PPM1D: variants seen among roughly 807,000 people sequenced by gnomAD.
The protein encoded by PPM1D is protein phosphatase 1D.
A neutral mutation model predicts 58.3 loss-of-function variants in PPM1D; 52 were observed. The observed-to-expected ratio is 0.89, with a 90% CI of 0.71 to 1.12. The LOEUF is 1.12. Ranked by LOEUF, PPM1D falls within the 50% of genes most tolerant of loss-of-function variation. The pLI is 0.00. For synonymous variants in PPM1D, 278 were observed against 285.1 expected, an observed-to-expected ratio of 0.98 and a Z score of 0.25; for missense variants, 564 against 777.2, an observed-to-expected ratio of 0.73 and a Z score of 3.26.
intron 2 of PPM1D, among the ~76,000 whole-genome samples, chr17:60,628,297 C>T (rs532195629): frequency 6.6e-6 from 1 of 152,300 alleles, no homozygotes; most frequent in Admixed American, 6.5e-5. Context: ...CCCAGGCTTC[C>T]CCACTATCCT....
chr17:60,655,060 C>T (rs559237645), intron 4 of PPM1D, among the ~76,000 whole-genome samples: 34 of 152,052 alleles, frequency 2.2e-4, no homozygotes, highest in Non-Finnish European at 2.4e-4. Flanking sequence ...TTTCTTTACT[C>T]GTTCAATTGG....
At chr17:60,636,733 C>T (rs969324524) in intron 3 of PPM1D, among the ~76,000 whole-genome samples, 2 of 151,216 alleles carry the variant, frequency 1.3e-5, no homozygotes, top group African/African-American at 2.4e-5. Context: ...TCACTCTGTG[C>T]CCTAGGCTAG....
At chr17:60,648,208 G>T in intron 4 of PPM1D, 126 bp downstream of exon 4, 1 of 950,906 alleles carries the variant, frequency 1.1e-6, no homozygotes, top group Non-Finnish European at 1.5e-6. Flanking sequence ...TGATCTGCTA[G>T]TGGGTAAAAC....
At chr17:60,621,125 GTT>G (rs2030692419) in intron 1 of PPM1D, among the ~76,000 whole-genome samples, 3 of 151,884 alleles carry the variant, frequency 2.0e-5, no homozygotes, top group African/African-American at 7.3e-5. Context: ...GTTTCATCAT[GTT>G]GGCCAGGTTG....
chr17:60,663,386 G>C lies in PPM1D; in HGVS notation c.1652G>C (p.Arg551Thr), dbSNP rs2143733193. The C allele has an allele frequency of 6.2e-7, 1 of 1,614,180 alleles. No homozygotes were observed. The highest frequency in any genetic ancestry group is 8.5e-7 in the Non-Finnish European group (1 of 1,180,030). ...TCTGGCCCCCTGATGAAGAAGCATA[G>C]ACGAAATGGCTTAAGTCGAAGTAGT... is the stretch of plus-strand genomic sequence containing the variant. ...SNSGPLMKKHRRNGLSRSSGA... is the reference protein window; with the variant it reads ...SNSGPLMKKHTRNGLSRSSGA... Residue 551 changes from arginine to threonine, a missense_variant, in exon 6 of 6, where the codon AGA (arginine) becomes ACA (threonine). Physicochemically the swap from Arg to Thr is moderately conservative, Grantham distance 71. Coordinates refer to ENST00000305921, the MANE Select transcript of PPM1D (RefSeq NM_003620.4).
At chr17:60,655,788 G>A (rs892258476) in intron 4 of PPM1D, among the ~76,000 whole-genome samples, 1 of 150,256 alleles carries the variant, frequency 6.7e-6, no homozygotes, top group African/African-American at 2.5e-5. Flanking sequence ...TGCAACCTCC[G>A]CCTCCTGGGT....
chr17:60,617,228 G>A (rs2030603320), intron 1 of PPM1D, among the ~76,000 whole-genome samples: 4 of 151,586 alleles, frequency 2.6e-5, no homozygotes. Flanking sequence ...AAAGCACTGT[G>A]AATGTAGGCA....
At chr17:60,662,925 A>G in intron 5 of PPM1D, 70 bp from the exon 6 acceptor site, 1 of 1,413,162 alleles carries the variant, frequency 7.1e-7, no homozygotes, top group Non-Finnish European at 9.6e-7. Flanking sequence ...GAAGCCTAAT[A>G]TCACATGCAT....
At chr17:60,606,525 G>T (rs1286498575) in intron 1 of PPM1D, among the ~76,000 whole-genome samples, 2 of 151,934 alleles carry the variant, frequency 1.3e-5, no homozygotes, top group Non-Finnish European at 1.5e-5. Flanking sequence ...AGGTATGAAG[G>T]CTTCAATTTC....
intron 3 of PPM1D, among the ~76,000 whole-genome samples, chr17:60,636,349 A>G (rs2031021851): frequency 6.6e-6 from 1 of 152,208 alleles, no homozygotes; most frequent in African/African-American, 2.4e-5. Context: ...AATACCTGCT[A>G]TGTGCTAGGT....
chr17:60,647,938 A>C lies in PPM1D; in HGVS notation c.873A>C (p.Ser291=), dbSNP rs1187742273. The C allele has an allele frequency of 2.5e-6, 4 of 1,613,494 alleles. No individual in the cohort carries two copies. The highest frequency in any genetic ancestry group is 1.3e-5 in the African/African-American group (1 of 74,896). ...TCTTCAGTGGTGAATTTGTGGTGTC[A>C]CCTGAACCAGACACAAGTGTCCACA... ...YDFFSGEFVV[S]PEPDTSVHTL... The change falls in exon 4 of 6, where the codon TCA becomes TCC. Residue 291 remains serine (S), a synonymous_variant. Coordinates refer to ENST00000305921, the MANE Select transcript of PPM1D (RefSeq NM_003620.4).
At chr17:60,632,546 G>A (rs891676152) in intron 2 of PPM1D, among the ~76,000 whole-genome samples, 2 of 150,576 alleles carry the variant, frequency 1.3e-5, no homozygotes, top group African/African-American at 4.9e-5. Flanking sequence ...CAGCCTGGGC[G>A]ACAGAGACCC....
chr17:60,629,990 A>G (rs1312509011), intron 2 of PPM1D, among the ~76,000 whole-genome samples: 10 of 152,260 alleles, frequency 6.6e-5, no homozygotes, highest in African/African-American at 2.4e-4. Context: ...CAGTGAGCCA[A>G]GATCCTGCCT....
At chr17:60,648,386 G>GTT (rs201335786) in intron 4 of PPM1D, among the ~76,000 whole-genome samples, 44 of 135,756 alleles carry the variant, frequency 3.2e-4, no homozygotes, top group South Asian at 4.7e-4. Flanking sequence ...AAAATTTATC[G>GTT]TTTTTTTTTT....
At chr17:60,623,809 C>G in intron 2 of PPM1D, 60 bp downstream of exon 2, 1 of 1,510,096 alleles carries the variant, frequency 6.6e-7, no homozygotes, top group Non-Finnish European at 9.1e-7. Flanking sequence ...TTATGCTTTA[C>G]TAATGAAATT....
chr17:60,640,787 T>A (rs1264732602), intron 3 of PPM1D, among the ~76,000 whole-genome samples: 1 of 152,100 alleles, frequency 6.6e-6, no homozygotes, highest in Admixed American at 6.6e-5. Context: ...TGAGAACATG[T>A]GGTATTTGGC....
At position 60,663,657 on chromosome 17, in the gene PPM1D, T is replaced by G. The variant is rs763218102; in HGVS notation, c.*105T>G. 264 of 1,235,462 alleles carry G rather than the reference T, an allele frequency of 2.1e-4. 1 individual carries two copies. Among genetic ancestry groups the G allele is most frequent in the Non-Finnish European group, 2.8e-4 (253 of 908,388 alleles). 76.5% of individuals were successfully genotyped at this position (1,235,462 alleles called of 1,614,324 possible). On this transcript the variant is annotated 3_prime_UTR_variant, in exon 6 of 6. Transcript: ENST00000305921. ...TTTAAGGGGAGAAAATTAAAAGAAA[T>G]ATACAGTTTGACTTTTTGGAATTCA... is the stretch of plus-strand genomic sequence containing the variant.
At chr17:60,631,689 A>G (rs910436036) in intron 2 of PPM1D, among the ~76,000 whole-genome samples, 1 of 152,106 alleles carries the variant, frequency 6.6e-6, no homozygotes, top group African/African-American at 2.4e-5. Context: ...TTTTCTGGTC[A>G]TTCTCTACTT....
chr17:60,622,276 T>C (rs1367959503), intron 1 of PPM1D, among the ~76,000 whole-genome samples: 3 of 152,106 alleles, frequency 2.0e-5, no homozygotes, highest in Non-Finnish European at 2.9e-5. Context: ...TGCATTTTTA[T>C]TTTTTTTCTT....
Sources: gnomAD v4.1 joint callset for allele counts (sites outside exome capture counted in the v4.1 genomes callset) on GRCh38, gnomAD v4.1.1 for gene constraint, MANE v1.5 for transcripts, NCBI Gene and HGNC (gene_info 2026-07-23, HGNC 2026-07-21) for gene names.